IL1RAP: variants seen among roughly 807,000 people sequenced by gnomAD.
IL1RAP encodes the protein interleukin-1 receptor accessory protein.
IL1RAP carries 35 observed loss-of-function variants against 60.7 expected under a neutral mutation model. The ratio of observed to expected loss-of-function variants is 0.58; its 90% CI spans 0.44 to 0.76. The LOEUF is 0.76. IL1RAP is among the 30% of genes least tolerant of loss of function. The probability of loss-of-function intolerance (pLI) is 0.00; values close to 1 mark genes in which losing one functional copy is unlikely to be tolerated. For synonymous variants in IL1RAP, 268 were observed against 250.9 expected (o/e 1.07, Z -0.64); for missense variants, 572 against 693.9 (o/e 0.82, Z 1.97).
chr3:190,554,363 C>T (rs908455756), intron 1 of IL1RAP, among the ~76,000 whole-genome samples: 7 of 152,160 alleles, frequency 4.6e-5, no homozygotes, highest in Non-Finnish European at 1.0e-4. Flanking sequence ...TACCCAGGAA[C>T]AGGAGAGGCA....
At chr3:190,528,021 TTTC>T (rs200115971) in intron 1 of IL1RAP, among the ~76,000 whole-genome samples, 1,670 of 152,296 alleles carry the variant, frequency 0.011, 39 homozygotes, top group African/African-American at 0.038. Flanking sequence ...AATATATACC[TTTC>T]TTCTTAAATG....
intron 3 of IL1RAP, among the ~76,000 whole-genome samples, chr3:190,599,043 GT>G (rs774096086): frequency 4.6e-5 from 7 of 152,006 alleles, no homozygotes; most frequent in Non-Finnish European, 1.0e-4. Flanking sequence ...TTTTCACACT[GT>G]TAATGACATC....
Position 190,644,247 on chromosome 3 carries a change from G to C in IL1RAP, c.1052-1G>C. 6.2e-7 allele frequency: 1 copy of C among 1,611,848 alleles called. No individual in the cohort carries two copies. Among genetic ancestry groups the C allele is most frequent in the Non-Finnish European group, 8.5e-7 (1 of 1,179,010 alleles). On this transcript the variant is annotated splice_acceptor_variant, in intron 9 of 11. Coordinates refer to ENST00000447382, the MANE Select transcript of IL1RAP (RefSeq NM_002182.4). LOFTEE classifies it high-confidence loss of function. Reference sequence around the variant, plus strand: ...TTCTGTTTCTTTGTTGTTCATTCCAGTGCCAGCTCCAAGATACACAGTGGA... The same window carrying C: ...TTCTGTTTCTTTGTTGTTCATTCCACTGCCAGCTCCAAGATACACAGTGGA...
downstream of IL1RAP, among the ~76,000 whole-genome samples, chr3:190,654,925 T>C (rs899108499): frequency 7.9e-5 from 12 of 152,252 alleles, no homozygotes; most frequent in Admixed American, 5.9e-4. Flanking sequence ...AAATCCACTT[T>C]GATACCATTA....
chr3:190,621,812 G>C (rs1731805280), intron 6 of IL1RAP, among the ~76,000 whole-genome samples: 1 of 141,534 alleles, frequency 7.1e-6, no homozygotes, highest in East Asian at 2.0e-4. Context: ...AAGTAACTTT[G>C]CTTTTGCATT....
At chr3:190,645,106 G>A (rs1488242909) in intron 10 of IL1RAP, among the ~76,000 whole-genome samples, 3 of 152,172 alleles carry the variant, frequency 2.0e-5, no homozygotes, top group African/African-American at 7.2e-5. Context: ...AATTTGCTTA[G>A]TGAAAAGAAT....
chr3:190,641,898 C>A (rs1272336430), intron 9 of IL1RAP, among the ~76,000 whole-genome samples: 2 of 152,202 alleles, frequency 1.3e-5, no homozygotes, highest in East Asian at 3.9e-4. Context: ...CTTTCAGCAA[C>A]TGCACTAACA....
chr3:190,655,241 A>C (rs570566127), downstream of IL1RAP, among the ~76,000 whole-genome samples: 1 of 152,066 alleles, frequency 6.6e-6, no homozygotes, highest in Non-Finnish European at 1.5e-5. Context: ...TCATAATACT[A>C]CTCTTAGAAG....
At chr3:190,570,730 T>C (rs1438603260) in intron 3 of IL1RAP, among the ~76,000 whole-genome samples, 2 of 152,154 alleles carry the variant, frequency 1.3e-5, no homozygotes, top group African/African-American at 4.8e-5. Context: ...CATGCCCAAC[T>C]AATTCTGTAT....
intron 3 of IL1RAP, among the ~76,000 whole-genome samples, chr3:190,576,039 C>T (rs377295777): frequency 1.6e-4 from 23 of 144,990 alleles, no homozygotes; most frequent in Admixed American, 1.2e-3. Context: ...TATTTAAATG[C>T]GAGGACATTT....
intron 3 of IL1RAP, among the ~76,000 whole-genome samples, chr3:190,591,930 A>C (rs1214641141): frequency 6.6e-6 from 1 of 152,198 alleles, no homozygotes; most frequent in Non-Finnish European, 1.5e-5. Flanking sequence ...CATTCCCTTC[A>C]GCAGCATGAG....
chr3:190,623,226 T>C, intron 6 of IL1RAP, 118 bp from the exon 7 acceptor site: 1 of 741,418 alleles, frequency 1.3e-6, no homozygotes, highest in Admixed American at 2.0e-5. Flanking sequence ...CTATAGGCCT[T>C]CTCTAAAACA....
intron 1 of IL1RAP, among the ~76,000 whole-genome samples, chr3:190,532,419 C>G (rs1167425894): frequency 1.3e-5 from 2 of 151,994 alleles, no homozygotes; most frequent in African/African-American, 4.8e-5. Context: ...CCCGCCACCA[C>G]GCCCTGCTAA....
At chr3:190,564,559 A>G in intron 3 of IL1RAP, 1 of 578,402 alleles carries the variant, frequency 1.7e-6, no homozygotes, top group South Asian at 2.0e-5. Flanking sequence ...GATAGAGTAC[A>G]CAGGGGGCAG....
At chr3:190,653,850 G>A (rs1288752580), downstream of IL1RAP, among the ~76,000 whole-genome samples, 1 of 152,104 alleles carries the variant, frequency 6.6e-6, no homozygotes, top group African/African-American at 2.4e-5. Context: ...CAATATAGAA[G>A]GTATTTTAAA....
At chr3:190,570,585 A>C (rs981079262) in intron 3 of IL1RAP, among the ~76,000 whole-genome samples, 1 of 151,442 alleles carries the variant, frequency 6.6e-6, no homozygotes, top group African/African-American at 2.4e-5. Context: ...TTATTTTTTG[A>C]GACGGAGCTT....
chr3:190,641,564 CA>C (rs1316741028), intron 9 of IL1RAP, among the ~76,000 whole-genome samples: 1 of 152,022 alleles, frequency 6.6e-6, no homozygotes, highest in African/African-American at 2.4e-5. Flanking sequence ...CTGTATGACA[CA>C]AAACAGAATT....
intron 1 of IL1RAP, among the ~76,000 whole-genome samples, chr3:190,551,612 G>C (rs1370806484): frequency 6.6e-6 from 1 of 152,136 alleles, no homozygotes; most frequent in Non-Finnish European, 1.5e-5. Context: ...TTCTTGTTTT[G>C]CTTGATATTT....
downstream of IL1RAP, among the ~76,000 whole-genome samples, chr3:190,652,854 G>A (rs1734465060): frequency 6.6e-6 from 1 of 152,174 alleles, no homozygotes; most frequent in South Asian, 2.1e-4. Flanking sequence ...GTGACTCTTT[G>A]GAAGATTCAA....
Sources: gnomAD v4.1 joint callset for allele counts (sites outside exome capture counted in the v4.1 genomes callset) on GRCh38, gnomAD v4.1.1 for gene constraint, MANE v1.5 for transcripts, NCBI Gene and HGNC (gene_info 2026-07-23, HGNC 2026-07-21) for gene names.